ABCB4: variants seen among roughly 807,000 people sequenced by gnomAD.
The protein encoded by ABCB4 is ATP binding cassette subfamily B member 4, also known as phosphatidylcholine translocator ABCB4.
Under a neutral mutation model 145.7 loss-of-function variants are expected in ABCB4, and 76 were observed. The ratio of observed to expected loss-of-function variants is 0.52; its 90% CI spans 0.43 to 0.63. The LOEUF (loss-of-function observed/expected upper bound fraction) is 0.63, where lower values mean the gene tolerates loss of function less well. ABCB4 is among the 30% of genes least tolerant of loss of function. The probability of loss-of-function intolerance (pLI) is 0.00; values close to 1 mark genes in which losing one functional copy is unlikely to be tolerated. For synonymous variants in ABCB4, 517 were observed against 566.8 expected (o/e 0.91, Z 1.25); for missense variants, 1,234 against 1,553.1 (o/e 0.79, Z 3.45).
Position 87,411,883 on chromosome 7 carries a change from A to G in ABCB4, c.2924+10T>C, listed in dbSNP as rs1171215329. On this transcript the variant is annotated intron_variant, in intron 23 of 27. Coordinates refer to ENST00000649586, the MANE Select transcript of ABCB4 (RefSeq NM_000443.4). ...TATAGAATAATCTTAATATTTCTAA[A>G]GCTACTTACAGAATAACATCTCTGA... 6.2e-7 allele frequency: 1 copy of G among 1,612,308 alleles called. No individual in the cohort carries two copies. Among genetic ancestry groups the G allele is most frequent in the Non-Finnish European group, 8.5e-7 (1 of 1,178,880 alleles).
rs200949614 is a variant in ABCB4 at position 87,423,926 on chromosome 7, T to A, written c.2191A>T (p.Ile731Leu). ...CTTACCGCTATGATCTCTGAGAATA[T>A]GACTGAAAATGCCGGCTGAAGCCCC... ...NGGLQPAFSV[I>L]FSEIIAIFGP... is the part of the protein sequence containing the mutation. The change falls in exon 17 of 28, where the codon ATA becomes TTA. Residue 731 changes from isoleucine (I) to leucine (L), a missense_variant. Ile to Leu is a conservative substitution (Grantham distance 5). Coordinates refer to ENST00000649586, the MANE Select transcript of ABCB4 (RefSeq NM_000443.4). The A allele has an allele frequency of 1.9e-5, 31 of 1,613,974 alleles. No individual in the cohort carries two copies. Among genetic ancestry groups the A allele is most frequent in the Non-Finnish European group, 2.6e-5 (31 of 1,179,972 alleles).
At chr7:87,413,590 C>A in intron 22 of ABCB4, 27 bp downstream of exon 22, 1 of 1,401,174 alleles carries the variant, frequency 7.1e-7, no homozygotes, top group South Asian at 1.2e-5. Flanking sequence ...GCACTAGGTT[C>A]TTAGCAGGAA....
At chr7:87,388,953 G>A in the ABCB4 span, among the ~76,000 whole-genome samples, 1 of 152,084 alleles carries the variant, frequency 6.6e-6, no homozygotes, top group African/African-American at 2.4e-5. Context: ...CCATCAAAAA[G>A]TGGGCAAAAG....
the ABCB4 span, chr7:87,382,313 T>C: frequency 3.4e-6 from 5 of 1,451,300 alleles, no homozygotes; most frequent in Non-Finnish European, 4.7e-6. Context: ...TTTAATTCTT[T>C]ATGTCTGGTG....
intron 14 of ABCB4, 57 bp downstream of exon 14, chr7:87,439,610 A>G (rs1286504886): frequency 1.2e-6 from 2 of 1,602,492 alleles, no homozygotes; most frequent in African/African-American, 2.7e-5. Context: ...AAGCACTGGC[A>G]AGAATCTTCA....
chr7:87,427,633 G>C (rs1262291700), intron 15 of ABCB4, among the ~76,000 whole-genome samples: 4 of 152,152 alleles, frequency 2.6e-5, no homozygotes, highest in African/African-American at 9.7e-5. Context: ...CATCTTAATA[G>C]TTTGTTCAGG....
the ABCB4 span, chr7:87,377,487 T>G: frequency 8.6e-7 from 1 of 1,158,076 alleles, no homozygotes; most frequent in Non-Finnish European, 1.3e-6. Flanking sequence ...TTTTGATCTT[T>G]TAGGTTAAAT....
intron 16 of ABCB4, 109 bp from the exon 17 acceptor site, chr7:87,424,161 G>T: frequency 2.2e-6 from 3 of 1,351,300 alleles, no homozygotes; most frequent in Non-Finnish European, 3.2e-6. Context: ...CAAACTAGGT[G>T]CAGAGAATGA....
Position 87,451,797 on chromosome 7 carries a change from A to T in ABCB4, c.537-3T>A. Reference sequence around the variant, plus strand: ...CTTCACTGATTTTGGAGATGTCACTAAAAAAGATCACACCTAAGTGGTTAC... The same window carrying T: ...CTTCACTGATTTTGGAGATGTCACTTAAAAAGATCACACCTAAGTGGTTAC... On this transcript the variant is annotated splice_polypyrimidine_tract_variant and splice_region_variant and intron_variant, in intron 6 of 27. Transcript: ENST00000649586. 2 of 1,613,922 alleles carry T rather than the reference A, an allele frequency of 1.2e-6. No individual in the cohort carries two copies. Among genetic ancestry groups the T allele is most frequent in the Non-Finnish European group, 1.7e-6 (2 of 1,179,834 alleles).
chr7:87,426,690 T>G, intron 16 of ABCB4, 60 bp downstream of exon 16: 1 of 1,541,630 alleles, frequency 6.5e-7, no homozygotes, highest in Non-Finnish European at 9.0e-7. Context: ...GGCTAAGAAT[T>G]TCAATAATTG....
intron 9 of ABCB4, 43 bp from the exon 10 acceptor site, chr7:87,445,018 C>A: frequency 1.6e-6 from 2 of 1,283,290 alleles, no homozygotes; most frequent in South Asian, 2.4e-5. Context: ...CACATTCTGG[C>A]ATTCATTATT....
chr7:87,454,585 A>G lies in ABCB4; in HGVS notation c.294T>C (p.Phe98=). The G allele has an allele frequency of 1.2e-6, 2 of 1,608,682 alleles. No individual in the cohort carries two copies. The highest frequency in any genetic ancestry group is 1.7e-6 in the Non-Finnish European group (2 of 1,176,492). Residue 98 remains phenylalanine, a synonymous_variant, in exon 5 of 28, where the codon TTT becomes TTC. Transcript: ENST00000649586. The stretch of plus-strand genomic sequence containing the variant: ...TGCCTGGATTTAGCAGCGACAAGGA[A>G]AAGTTCACTAAATTAAAAAATAAAA... ...TAGNFSFPVN[F]SLSLLNPGKI... is the part of the protein sequence containing the mutation.
Position 87,406,392 on chromosome 7 carries a change from C to T in ABCB4, c.3382G>A (p.Glu1128Lys), listed in dbSNP as rs763114832. Residue 1128 changes from glutamate to lysine, a missense_variant, in exon 26 of 28, where the codon GAG becomes AAG. Physicochemically the swap from Glu to Lys is moderately conservative, Grantham distance 56. Coordinates refer to ENST00000649586, the MANE Select transcript of ABCB4 (RefSeq NM_000443.4). ...CTGTTGTCTCCATAGGCAATATTCT[C>T]GGCAATGCTGCAGTCAAATAGGATA... is the stretch of plus-strand genomic sequence containing the variant. ...EPILFDCSIA[E>K]NIAYGDNSRV... 24 of 1,613,978 alleles carry T rather than the reference C, an allele frequency of 1.5e-5. No homozygotes were observed. Among genetic ancestry groups the T allele is most frequent in the Non-Finnish European group, 1.8e-5 (21 of 1,180,028 alleles).
intron 15 of ABCB4, among the ~76,000 whole-genome samples, chr7:87,427,932 T>C (rs1404557026): frequency 6.6e-6 from 1 of 152,154 alleles, no homozygotes; most frequent in African/African-American, 2.4e-5. Context: ...ACTTTGTAAT[T>C]GATCCCTTGC....
intron 3 of ABCB4, among the ~76,000 whole-genome samples, chr7:87,468,948 A>AATAAGATAAAATAAG (rs1554416087): frequency 2.8e-5 from 4 of 141,794 alleles, no homozygotes; most frequent in African/African-American, 6.0e-5. Flanking sequence ...AAATAAATAA[A>AATAAGATAAAATAAG]ATAAAATAAA....
At chr7:87,374,590 G>C in the ABCB4 span, among the ~76,000 whole-genome samples, 1 of 152,038 alleles carries the variant, frequency 6.6e-6, no homozygotes, top group African/African-American at 2.4e-5. Flanking sequence ...AAGAAAGTAA[G>C]CAGGAAGAGA....
At position 87,422,164 on chromosome 7, in the gene ABCB4, A is replaced by C; in HGVS notation, c.2273T>G (p.Phe758Cys). The C allele has an allele frequency of 6.2e-7, 1 of 1,613,568 alleles. No homozygotes were observed. Among genetic ancestry groups the C allele is most frequent in the Non-Finnish European group, 8.5e-7 (1 of 1,179,644 alleles). Residue 758 changes from phenylalanine to cysteine, a missense_variant, in exon 18 of 28, where the codon TTC (phenylalanine) becomes TGC (cysteine). Phe to Cys is a radical substitution (Grantham distance 205, BLOSUM62 -2). Coordinates refer to ENST00000649586, the MANE Select transcript of ABCB4 (RefSeq NM_000443.4). ...AAAAGAAATAATTCCCAGAAATAAG[A>C]AAATCAAAGAGAATATGTTGCACTT... ...QQKCNIFSLIFLFLGIISFFT... is the reference protein window; with the variant it reads ...QQKCNIFSLICLFLGIISFFT...
At chr7:87,398,869 T>C, downstream of ABCB4, 1 of 519,364 alleles carries the variant, frequency 1.9e-6, no homozygotes, top group Non-Finnish European at 3.4e-6. Flanking sequence ...GCAATGCAAA[T>C]TATGACATAG....
At chr7:87,414,180 T>C (rs1288097129) in intron 21 of ABCB4, among the ~76,000 whole-genome samples, 4 of 152,198 alleles carry the variant, frequency 2.6e-5, no homozygotes, top group Admixed American at 2.6e-4. Flanking sequence ...CCACCCACAA[T>C]GGGAAGGAGA....
Sources: gnomAD v4.1 joint callset for allele counts (sites outside exome capture counted in the v4.1 genomes callset) on GRCh38, gnomAD v4.1.1 for gene constraint, MANE v1.5 for transcripts, NCBI Gene and HGNC (gene_info 2026-07-23, HGNC 2026-07-21) for gene names.